MICU1: variants seen among roughly 807,000 people sequenced by gnomAD.
The protein encoded by MICU1 is calcium uptake protein 1, mitochondrial.
Under a neutral mutation model 56.8 loss-of-function variants are expected in MICU1, and 45 were observed. That is an observed-to-expected ratio of 0.79 (90% confidence interval 0.62 to 1.02). The LOEUF (loss-of-function observed/expected upper bound fraction) is 1.02. Among genes scored for constraint, MICU1 ranks in the 50% least tolerant of loss-of-function variants. The pLI is 0.00. For missense variants in MICU1, 504 were observed against 587.1 expected, an observed-to-expected ratio of 0.86 and a Z score of 1.46; for synonymous variants, 186 against 195.1, an observed-to-expected ratio of 0.95 and a Z score of 0.39.
chr10:72,378,184 C>T (rs1337227705), intron 10 of MICU1, among the ~76,000 whole-genome samples: 3 of 152,138 alleles, frequency 2.0e-5, no homozygotes, highest in Non-Finnish European at 4.4e-5. Flanking sequence ...ACCTGGGAGG[C>T]GGAGGTTGCA....
At chr10:72,438,105 GCAC>G (rs1864794363) in intron 8 of MICU1, among the ~76,000 whole-genome samples, 1 of 152,110 alleles carries the variant, frequency 6.6e-6, no homozygotes, top group African/African-American at 2.4e-5. Flanking sequence ...ATTCTTCTCA[GCAC>G]CACATCACAC....
chr10:72,493,116 T>C (rs1866719319), intron 6 of MICU1, among the ~76,000 whole-genome samples: 1 of 152,082 alleles, frequency 6.6e-6, no homozygotes, highest in Non-Finnish European at 1.5e-5. Context: ...CATCCTTAAC[T>C]AGTATTGTGA....
intron 4 of MICU1, among the ~76,000 whole-genome samples, chr10:72,534,540 A>G (rs1342029215): frequency 1.3e-5 from 2 of 152,212 alleles, no homozygotes; most frequent in African/African-American, 4.8e-5. Context: ...GCATACAATT[A>G]GTTCAATAAA....
At chr10:72,523,721 A>C in intron 5 of MICU1, 1 of 948,834 alleles carries the variant, frequency 1.1e-6, no homozygotes, top group Non-Finnish European at 1.4e-6. Context: ...ATGTGAGAGT[A>C]ATATTTTAAT....
In MICU1 at chr10:72,408,535, C is replaced by T. The variant is rs576975886; in HGVS notation, c.1072-498G>A. ...TGTTGGCCAGACTGGCCTTGAACTC[C>T]TGACCTCAAGTGATTCACCTGCCTC... is the stretch of plus-strand genomic sequence containing the variant. On this transcript the variant is annotated intron_variant, in intron 9 of 11. Coordinates refer to ENST00000361114, the MANE Select transcript of MICU1 (RefSeq NM_001195518.2). Among the ~76,000 whole-genome samples the T allele has an allele frequency of 9.9e-5, 15 of 152,274 alleles. No individual in the cohort carries two copies. In the East Asian group the frequency reaches 2.7e-3, roughly 27 times the overall value.
intron 8 of MICU1, among the ~76,000 whole-genome samples, chr10:72,445,494 T>C (rs907267360): frequency 6.6e-6 from 1 of 152,192 alleles, no homozygotes; most frequent in Non-Finnish European, 1.5e-5. Context: ...ACTCAGCTGA[T>C]TATTTGTAGG....
In MICU1 at chr10:72,612,691, T is replaced by C. The variant is rs1305420987; in HGVS notation, c.-2+13319A>G. On this transcript the variant is annotated intron_variant, in intron 1 of 11. Transcript: ENST00000361114. ...TGGCACATGCATGTAGTCATAGCTA[T>C]TCAGGCGGCTGAGGCAGGAGGACCC... Among the ~76,000 whole-genome samples, 4 of 152,124 alleles carry C rather than the reference T, an allele frequency of 2.6e-5. No individual in the cohort carries two copies. The East Asian group carries it at 7.7e-4, about 29-fold the overall frequency.
At chr10:72,607,855 G>A (rs138591161) in intron 1 of MICU1, among the ~76,000 whole-genome samples, 1 of 151,864 alleles carries the variant, frequency 6.6e-6, no homozygotes, top group Non-Finnish European at 1.5e-5. Flanking sequence ...TAACCTGTGG[G>A]GGGGGTCTAC....
chr10:72,537,664 T>G (rs1029754802), intron 4 of MICU1, among the ~76,000 whole-genome samples: 1 of 152,222 alleles, frequency 6.6e-6, no homozygotes, highest in African/African-American at 2.4e-5. Context: ...TTTTTTTATT[T>G]TAACTCTAAT....
chr10:72,372,211 A>T (rs905776037), intron 11 of MICU1, among the ~76,000 whole-genome samples: 6 of 152,120 alleles, frequency 3.9e-5, no homozygotes, highest in African/African-American at 1.4e-4. Context: ...TCTACGAAAA[A>T]ATTCAAAAAA....
chr10:72,535,084 C>T (rs1316693949), intron 4 of MICU1, among the ~76,000 whole-genome samples: 1 of 110,304 alleles, frequency 9.1e-6, no homozygotes, highest in African/African-American at 3.5e-5. Context: ...AGCTGGAGTG[C>T]AGTGGCATGA....
chr10:72,441,039 C>T (rs191937087), intron 8 of MICU1, among the ~76,000 whole-genome samples: 2 of 152,260 alleles, frequency 1.3e-5, no homozygotes. Flanking sequence ...ACCCAGCAAT[C>T]CCATTACTGG....
intron 8 of MICU1, among the ~76,000 whole-genome samples, chr10:72,446,376 G>A (rs1023909007): frequency 1.3e-5 from 2 of 152,148 alleles, no homozygotes; most frequent in Non-Finnish European, 2.9e-5. Context: ...CGCCCAGCAG[G>A]CTGGAGCACA....
intron 5 of MICU1, chr10:72,532,860 G>A: frequency 8.9e-7 from 1 of 1,124,274 alleles, no homozygotes; most frequent in Non-Finnish European, 1.1e-6. Context: ...TTGTATAAAA[G>A]AGCTCAACAC....
At chr10:72,446,526 A>G (rs1865110849) in intron 8 of MICU1, among the ~76,000 whole-genome samples, 1 of 151,934 alleles carries the variant, frequency 6.6e-6, no homozygotes, top group Non-Finnish European at 1.5e-5. Flanking sequence ...ACAGGGTTTC[A>G]CCTTTTGGGC....
rs111434839 is a variant in MICU1, at chr10:72,515,347, G to A, written c.538-7078C>T. ...GCAGCTTAATTTTTGGTTTAATGGC[G>A]GGATGTGGTTTTGGAGTTCCCCGCT... On this transcript the variant is annotated intron_variant, in intron 5 of 11. Transcript: ENST00000361114. Among the ~76,000 whole-genome samples, 63 of 152,276 alleles carry A rather than the reference G, an allele frequency of 4.1e-4. 1 individual carries two copies. Among genetic ancestry groups the A allele is most frequent in the Admixed American group, 9.2e-4 (14 of 15,298 alleles).
At chr10:72,431,094 G>GTCTGTCTGTCTATCTA (rs1554867912) in intron 8 of MICU1, among the ~76,000 whole-genome samples, 35 of 141,432 alleles carry the variant, frequency 2.5e-4, no homozygotes, top group South Asian at 1.4e-3. Context: ...TTATCTGTCT[G>GTCTGTCTGTCTATCTA]TCTATCTATC....
At chr10:72,527,149 A>C (rs565416784) in intron 5 of MICU1, among the ~76,000 whole-genome samples, 19 of 152,328 alleles carry the variant, frequency 1.2e-4, no homozygotes, top group Middle Eastern at 3.4e-3. Flanking sequence ...ATCAAAGCAG[A>C]AAAGATTAAC....
chr10:72,493,807 T>C (rs1866747221), intron 6 of MICU1, among the ~76,000 whole-genome samples: 1 of 152,182 alleles, frequency 6.6e-6, no homozygotes, highest in Admixed American at 6.5e-5. Flanking sequence ...TACATGTGAT[T>C]ATTTTATTAG....
Sources: allele counts gnomAD v4.1 joint callset (sites outside exome capture counted in the v4.1 genomes callset), GRCh38; gene constraint gnomAD v4.1.1; transcripts MANE v1.5; gene names NCBI Gene and HGNC (gene_info 2026-07-23, HGNC 2026-07-21).